The following ACSBG1 variants were observed in gnomAD, a reference collection of about 807,000 sequenced individuals.
ACSBG1 encodes the protein long-chain-fatty-acid--CoA ligase ACSBG1.
In ACSBG1, 39 loss-of-function variants were observed where a neutral mutation model predicts 80.2. The ratio of observed to expected loss-of-function variants is 0.49; its 90% CI spans 0.38 to 0.64. The LOEUF (loss-of-function observed/expected upper bound fraction) is 0.64. Ranked by LOEUF, ACSBG1 falls within the 30% of genes least tolerant of loss-of-function variation. The pLI, the probability that ACSBG1 is intolerant of heterozygous loss-of-function variation, is 0.00. For synonymous variants in ACSBG1, 392 were observed against 379.5 expected, an observed-to-expected ratio of 1.03 and a Z score of -0.38; for missense variants, 828 against 966.4, an observed-to-expected ratio of 0.86 and a Z score of 1.90.
intron 1 of ACSBG1, among the ~76,000 whole-genome samples, chr15:78,229,477 G>T (rs533768490): frequency 6.6e-6 from 1 of 152,142 alleles, no homozygotes; most frequent in African/African-American, 2.4e-5. Context: ...GAGGCAGAGC[G>T]CACTCTCTGT....
At chr15:78,195,330 G>C (rs12905634) in intron 2 of ACSBG1, among the ~76,000 whole-genome samples, 37,870 of 152,090 alleles carry the variant, frequency 0.25, 5,602 homozygotes, top group Non-Finnish European at 0.34. Context: ...GCACAGACGG[G>C]GCAGCTGCAG....
intron 1 of ACSBG1, 43 bp from the exon 2 acceptor site, chr15:78,208,145 G>A (rs776785993): frequency 6.6e-7 from 1 of 1,524,534 alleles, no homozygotes; most frequent in Non-Finnish European, 9.0e-7. Flanking sequence ...ATTAGAACGT[G>A]GGGGACCGGC....
chr15:78,201,374 A>G (rs758455173), intron 2 of ACSBG1, among the ~76,000 whole-genome samples: 49 of 152,304 alleles, frequency 3.2e-4, no homozygotes, highest in Middle Eastern at 6.8e-3. Flanking sequence ...AGGGAGGCCA[A>G]TGAGGACACA....
At chr15:78,191,485 T>C (rs1438993110) in intron 5 of ACSBG1, among the ~76,000 whole-genome samples, 1 of 152,196 alleles carries the variant, frequency 6.6e-6, no homozygotes, top group South Asian at 2.1e-4. Context: ...CATGGAACAT[T>C]CACCAAAATT....
intron 11 of ACSBG1, among the ~76,000 whole-genome samples, chr15:78,176,759 T>C (rs551860735): frequency 1.3e-5 from 2 of 151,922 alleles, no homozygotes; most frequent in African/African-American, 2.4e-5. Flanking sequence ...ACCCTGTCTC[T>C]ACAAAAATAA....
intron 5 of ACSBG1, among the ~76,000 whole-genome samples, chr15:78,184,836 G>A: frequency 6.6e-6 from 1 of 152,206 alleles, no homozygotes. Flanking sequence ...TGCCCATACG[G>A]TGTACACATT....
At chr15:78,179,036 T>C in intron 10 of ACSBG1, 1 of 587,802 alleles carries the variant, frequency 1.7e-6, no homozygotes, top group East Asian at 2.8e-5. Flanking sequence ...AAGGAACAAA[T>C]GAAATGGTAA....
intron 5 of ACSBG1, among the ~76,000 whole-genome samples, chr15:78,186,787 T>C (rs1472585088): frequency 6.6e-6 from 1 of 151,974 alleles, no homozygotes; most frequent in African/African-American, 2.4e-5. Context: ...AGCAAACACA[T>C]TCAAAAGCTA....
In ACSBG1 at chr15:78,234,359, C is replaced by A. The variant is rs71407266; in HGVS notation, c.131+12G>T. 20 of 1,608,292 alleles carry A rather than the reference C, an allele frequency of 1.2e-5. No homozygotes were observed. The highest frequency in any genetic ancestry group is 1.7e-5 in the Non-Finnish European group (20 of 1,179,874). ...ACAGGTGCAGTGTGCAGAAACCCAA[C>A]CAATGACTTACCTGGTTTTCAATTT... On this transcript the variant is annotated intron_variant, in intron 1 of 13. Coordinates refer to ENST00000258873, the MANE Select transcript of ACSBG1 (RefSeq NM_015162.5).
intron 5 of ACSBG1, among the ~76,000 whole-genome samples, chr15:78,185,052 G>GGAGGGA (rs1434260896): frequency 5.0e-5 from 7 of 141,086 alleles, no homozygotes; most frequent in Non-Finnish European, 9.2e-5. Flanking sequence ...CGGAGGGGAG[G>GGAGGGA]GAGAGAGAGA....
rs567352533 is a variant in ACSBG1, at chr15:78,230,992, G to A, written c.131+3379C>T. On this transcript the variant is annotated intron_variant, in intron 1 of 13. Coordinates refer to ENST00000258873, the MANE Select transcript of ACSBG1 (RefSeq NM_015162.5). Reference sequence around the variant, plus strand: ...TTATTTATCTAGTTTTTGAGACAGGGTCTTGCTGTGTCACCCAGGTGGAGT... The same window carrying A: ...TTATTTATCTAGTTTTTGAGACAGGATCTTGCTGTGTCACCCAGGTGGAGT... Among the ~76,000 whole-genome samples the A allele has an allele frequency of 9.2e-5, 14 of 152,308 alleles. 1 individual carries two copies. Among genetic ancestry groups the A allele is most frequent in the African/African-American group, 3.1e-4 (13 of 41,566 alleles).
intron 3 of ACSBG1, among the ~76,000 whole-genome samples, 191 bp downstream of exon 3, chr15:78,194,315 A>AG (rs1161619240): frequency 2.6e-5 from 4 of 152,244 alleles, no homozygotes; most frequent in African/African-American, 2.4e-5. Context: ...GGCACATGGT[A>AG]GGGGCTCAGC....
intron 5 of ACSBG1, among the ~76,000 whole-genome samples, chr15:78,191,573 T>C (rs1361199604): frequency 6.6e-6 from 1 of 152,220 alleles, no homozygotes; most frequent in Admixed American, 6.5e-5. Context: ...TGAGGGAAAG[T>C]TCTTTCTTTG....
rs1203513833 is a variant in ACSBG1 at position 78,169,362 on chromosome 15, C to G, written c.*2082G>C. ...ATACAGAATTAACAAGAGAAAATGT[C>G]TAACTTTTTAAGAAAAACCTTATTT... On this transcript the variant is annotated 3_prime_UTR_variant, in exon 14 of 14. Coordinates refer to ENST00000258873, the MANE Select transcript of ACSBG1 (RefSeq NM_015162.5). 3 of 161,852 alleles carry G rather than the reference C, an allele frequency of 1.9e-5. No homozygotes were observed. Among genetic ancestry groups the G allele is most frequent in the African/African-American group, 7.2e-5 (3 of 41,902 alleles). The allele number at this position is 161,852 out of a possible 1,614,324, so 10.0% of individuals were successfully genotyped here.
intron 1 of ACSBG1, among the ~76,000 whole-genome samples, chr15:78,215,743 A>AAGAAAGG (rs1567096295): frequency 9.9e-6 from 1 of 101,398 alleles, no homozygotes; most frequent in Non-Finnish European, 2.1e-5. Context: ...AGAAAGAAAG[A>AAGAAAGG]AAGAAAGAAA....
At position 78,182,753 on chromosome 15, in the gene ACSBG1, G is replaced by A. The variant is rs139747957; in HGVS notation, c.696C>T (p.Val232=). ...TTGGAGGAGGTTCTTTATATATCAC[G>A]ACTGCCTTTAGATGTGGCAACTGTT... ...IWKQLPHLKA[V]VIYKEPPPNK... The change falls in exon 6 of 14, where the codon GTC becomes GTT. Residue 232 remains valine (V), a synonymous_variant. Coordinates refer to ENST00000258873, the MANE Select transcript of ACSBG1 (RefSeq NM_015162.5). The A allele has an allele frequency of 1.3e-4, 213 of 1,614,074 alleles. 1 individual carries two copies. The African/African-American group carries it at 1.7e-3, about 13-fold the overall frequency.
At chr15:78,181,149 A>G in intron 8 of ACSBG1, 1 of 595,194 alleles carries the variant, frequency 1.7e-6, no homozygotes, top group Non-Finnish European at 2.9e-6. Context: ...TCAGGCAGCC[A>G]GTGCTGACCT....
intron 2 of ACSBG1, 76 bp downstream of exon 2, chr15:78,207,926 C>CCACCCCCCCCCCCCCCA: frequency 3.0e-6 from 2 of 662,148 alleles, no homozygotes; most frequent in Non-Finnish European, 5.3e-6. Flanking sequence ...GTCCCCCACA[C>CCACCCCCCCCCCCCCCA]CACCCACCCC....
rs2074759758 is a variant in ACSBG1 at position 78,167,535 on chromosome 15, C to T, written c.*3909G>A. The T allele has an allele frequency of 6.6e-6, 1 of 152,152 alleles. No individual in the cohort carries two copies. Among genetic ancestry groups the T allele is most frequent in the South Asian group, 2.1e-4 (1 of 4,826 alleles). 9.4% of individuals were successfully genotyped at this position (152,152 alleles called of 1,614,324 possible). On this transcript the variant is annotated 3_prime_UTR_variant, in exon 14 of 14. Transcript: ENST00000258873. ...CATAACATAAAATTTGCCATTTTAG[C>T]CGTATTTAGGTATACAGTTCAATAA... is the stretch of plus-strand genomic sequence containing the variant.
Sources: allele counts gnomAD v4.1 joint callset (sites outside exome capture counted in the v4.1 genomes callset), GRCh38; gene constraint gnomAD v4.1.1; transcripts MANE v1.5; gene names NCBI Gene and HGNC (gene_info 2026-07-23, HGNC 2026-07-21).